ZNF503: variants seen among roughly 807,000 people sequenced by gnomAD.
ZNF503 encodes the protein NocA-like zinc finger 2.
In ZNF503, 15 loss-of-function variants were observed where a neutral mutation model predicts 34.4. The ratio of observed to expected loss-of-function variants is 0.44; its 90% CI spans 0.29 to 0.67. The LOEUF (loss-of-function observed/expected upper bound fraction) is 0.67. Among genes scored for constraint, ZNF503 ranks in the 30% least tolerant of loss-of-function variants. ZNF503 has a pLI of 0.13. For missense variants in ZNF503, 1,007 were observed against 926.8 expected (o/e 1.09, Z -1.12); for synonymous variants, 580 against 456.8 (o/e 1.27, Z -3.44).
chr10:75,329,428 TTCCTTCC>T, the ZNF503 span, among the ~76,000 whole-genome samples: 1 of 127,986 alleles, frequency 7.8e-6, no homozygotes, highest in Non-Finnish European at 1.7e-5. Context: ...CCTTCCTTCC[TTCCTTCC>T]TTTCTTTCTT....
chr10:75,384,620 T>A, the ZNF503 span, among the ~76,000 whole-genome samples: 1 of 151,978 alleles, frequency 6.6e-6, no homozygotes, highest in African/African-American at 2.4e-5. Context: ...GCCAGGCCCC[T>A]AGCAGGGACA....
At chr10:75,315,755 T>A in the ZNF503 span, among the ~76,000 whole-genome samples, 70 of 152,200 alleles carry the variant, frequency 4.6e-4, no homozygotes, top group Non-Finnish European at 8.7e-4. Context: ...TTATTTTAAA[T>A]GTAAATGAAT....
At chr10:75,300,727 A>G in the ZNF503 span, among the ~76,000 whole-genome samples, 69 of 45,502 alleles carry the variant, frequency 1.5e-3, no homozygotes, top group African/African-American at 7.9e-3. Context: ...TTTTTTTGAG[A>G]CAGAGTCTCA....
the ZNF503 span, among the ~76,000 whole-genome samples, chr10:75,331,949 A>G: frequency 6.6e-6 from 1 of 151,516 alleles, no homozygotes; most frequent in South Asian, 2.1e-4. Flanking sequence ...ACTGTTTTTG[A>G]CTTAAAGTTT....
chr10:75,363,254 G>A, the ZNF503 span, among the ~76,000 whole-genome samples: 1 of 152,194 alleles, frequency 6.6e-6, no homozygotes, highest in African/African-American at 2.4e-5. Context: ...GGATGGAGCT[G>A]AGCAGACCTC....
the ZNF503 span, among the ~76,000 whole-genome samples, chr10:75,383,654 G>C: frequency 1.3e-5 from 2 of 152,230 alleles, no homozygotes; most frequent in Non-Finnish European, 2.9e-5. Context: ...CAACTAACCA[G>C]TCACATGCTT....
At chr10:75,293,104 GA>G in the ZNF503 span, among the ~76,000 whole-genome samples, 1 of 152,164 alleles carries the variant, frequency 6.6e-6, no homozygotes, top group East Asian at 1.9e-4. Flanking sequence ...CACGGCTTCC[GA>G]GGTCTTCTTC....
chr10:75,376,911 C>G, the ZNF503 span, among the ~76,000 whole-genome samples: 1 of 152,216 alleles, frequency 6.6e-6, no homozygotes, highest in African/African-American at 2.4e-5. Flanking sequence ...ATTCAATTAT[C>G]TCCACCTGGT....
At chr10:75,307,439 G>A in the ZNF503 span, among the ~76,000 whole-genome samples, 1 of 152,208 alleles carries the variant, frequency 6.6e-6, no homozygotes, top group African/African-American at 2.4e-5. Context: ...AGCCAGGAGA[G>A]GCTGGCTCAT....
At chr10:75,363,051 TG>T in the ZNF503 span, among the ~76,000 whole-genome samples, 11 of 151,180 alleles carry the variant, frequency 7.3e-5, no homozygotes, top group Non-Finnish European at 1.5e-4. Flanking sequence ...AGTCTGTGTG[TG>T]GGCATGGGTG....
the ZNF503 span, among the ~76,000 whole-genome samples, chr10:75,391,869 T>G: frequency 6.6e-6 from 1 of 152,262 alleles, no homozygotes; most frequent in African/African-American, 2.4e-5. Context: ...TGATTAGAAG[T>G]AGGTATAGGA....
the ZNF503 span, among the ~76,000 whole-genome samples, chr10:75,379,030 C>T: frequency 1.3e-5 from 2 of 152,134 alleles, no homozygotes; most frequent in Non-Finnish European, 2.9e-5. Context: ...CCTAACAGTG[C>T]CCTAAACAAA....
chr10:75,282,470 T>C, the ZNF503 span, among the ~76,000 whole-genome samples: 1 of 152,200 alleles, frequency 6.6e-6, no homozygotes, highest in African/African-American at 2.4e-5. Flanking sequence ...GTCTCAGTTC[T>C]TGAAGTCATC....
the ZNF503 span, among the ~76,000 whole-genome samples, chr10:75,356,782 T>C: frequency 1.2e-4 from 18 of 152,138 alleles, no homozygotes; most frequent in Admixed American, 1.2e-3. Flanking sequence ...TTGGGCTTAA[T>C]TCTCTCCAGC....
At chr10:75,303,112 T>G in the ZNF503 span, among the ~76,000 whole-genome samples, 1 of 152,220 alleles carries the variant, frequency 6.6e-6, no homozygotes, top group African/African-American at 2.4e-5. Context: ...GTTCTGTTAC[T>G]TACTAAACAC....
the ZNF503 span, among the ~76,000 whole-genome samples, chr10:75,320,569 G>C: frequency 6.6e-6 from 1 of 152,154 alleles, no homozygotes; most frequent in African/African-American, 2.4e-5. Flanking sequence ...TGTAATCCTA[G>C]CACTTTGGGA....
the ZNF503 span, among the ~76,000 whole-genome samples, chr10:75,344,505 CCTT>C: frequency 6.6e-6 from 1 of 152,154 alleles, no homozygotes; most frequent in East Asian, 1.9e-4. Context: ...TGGTCCTGCC[CCTT>C]CTTGCCCTTT....
At chr10:75,382,912 C>T in the ZNF503 span, 2 of 238,098 alleles carry the variant, frequency 8.4e-6, no homozygotes, top group Non-Finnish European at 1.7e-5. Context: ...GTCCAGCTTA[C>T]TTCCTCCTCT....
At chr10:75,382,073 G>A in the ZNF503 span, among the ~76,000 whole-genome samples, 1 of 151,956 alleles carries the variant, frequency 6.6e-6, no homozygotes, top group Non-Finnish European at 1.5e-5. Context: ...GCCTCCCAAA[G>A]TGCTGAGATT....
Sources: gnomAD v4.1 joint callset for allele counts (sites outside exome capture counted in the v4.1 genomes callset) on GRCh38, gnomAD v4.1.1 for gene constraint, MANE v1.5 for transcripts, NCBI Gene and HGNC (gene_info 2026-07-23, HGNC 2026-07-21) for gene names.